The following SSU72 variants were observed in gnomAD, a reference collection of about 807,000 sequenced individuals.
The protein encoded by SSU72 is SSU72 homolog, RNA polymerase II CTD phosphatase.
A neutral mutation model predicts 22.7 loss-of-function variants in SSU72; 12 were observed. The ratio of observed to expected loss-of-function variants is 0.53; its 90% CI spans 0.34 to 0.86. The LOEUF (loss-of-function observed/expected upper bound fraction) is 0.86. Ranked by LOEUF, SSU72 falls within the 40% of genes least tolerant of loss-of-function variation. The probability of loss-of-function intolerance (pLI) is 0.02; values close to 1 mark genes in which losing one functional copy is unlikely to be tolerated. For synonymous variants in SSU72, 116 were observed against 98.3 expected, an observed-to-expected ratio of 1.18 and a Z score of -1.06; for missense variants, 151 against 249.8, an observed-to-expected ratio of 0.60 and a Z score of 2.67.
chr1:1,544,772 G>A (rs762022413), intron 3 of SSU72, 91 bp downstream of exon 3: 72 of 1,578,684 alleles, frequency 4.6e-5, no homozygotes, highest in Admixed American at 8.3e-5. Flanking sequence ...CACTCTAGAC[G>A]GGCTGTACTG....
intron 2 of SSU72, among the ~76,000 whole-genome samples, chr1:1,549,280 GCGAGGC>G (rs1642427636): frequency 6.6e-6 from 1 of 152,148 alleles, no homozygotes; most frequent in South Asian, 2.1e-4. Flanking sequence ...CCAGAACTTT[GCGAGGC>G]CGAGGCAGGT....
intron 3 of SSU72, among the ~76,000 whole-genome samples, 159 bp from the exon 4 acceptor site, chr1:1,544,146 C>T (rs991812006): frequency 1.3e-5 from 2 of 152,150 alleles, no homozygotes; most frequent in Admixed American, 1.3e-4. Context: ...AGCCTCAAAC[C>T]GAAGGCGGCT....
intron 2 of SSU72, chr1:1,545,457 A>T (rs951566049): frequency 6.2e-6 from 1 of 162,056 alleles, no homozygotes; most frequent in Non-Finnish European, 1.3e-5. Flanking sequence ...AAACCCGGAA[A>T]CCCAGTCCCC....
rs895495312 is a variant in SSU72 at position 1,565,025 on chromosome 1, T to A, written c.81-109A>T. 26 of 1,389,394 alleles carry A rather than the reference T, an allele frequency of 1.9e-5. No homozygotes were observed. The East Asian group carries it at 6.1e-4, about 32-fold the overall frequency. The allele number at this position is 1,389,394 out of a possible 1,614,324, so 86.1% of individuals were successfully genotyped here. A position where few individuals can be genotyped will look rare whatever the true frequency, so the allele number is the denominator to read the frequency against. On this transcript the variant is annotated intron_variant, in intron 1 of 4. Coordinates refer to ENST00000291386, the MANE Select transcript of SSU72 (RefSeq NM_014188.3). ...CAAAATGAGTAATTTCATTGGCTCA[T>A]AGTAGAGAATATGTCTTCAAATTTT... is the stretch of plus-strand genomic sequence containing the variant.
chr1:1,556,449 G>A (rs554121766), intron 2 of SSU72, among the ~76,000 whole-genome samples: 2 of 152,262 alleles, frequency 1.3e-5, no homozygotes, highest in South Asian at 4.1e-4. Context: ...GCTGAGGCAG[G>A]AGAATCGCTT....
intron 2 of SSU72, among the ~76,000 whole-genome samples, chr1:1,552,148 G>A (rs1299616110): frequency 6.6e-6 from 1 of 152,022 alleles, no homozygotes; most frequent in East Asian, 1.9e-4. Context: ...CCTCACGCTG[G>A]CCGCGTGGAC....
intron 1 of SSU72, among the ~76,000 whole-genome samples, chr1:1,573,932 A>G (rs1205096816): frequency 6.6e-6 from 1 of 152,022 alleles, no homozygotes; most frequent in African/African-American, 2.4e-5. Context: ...TTAGCAGGGA[A>G]TATAAACTAG....
chr1:1,552,267 C>G (rs1642463613), intron 2 of SSU72, among the ~76,000 whole-genome samples: 1 of 152,130 alleles, frequency 6.6e-6, no homozygotes, highest in Admixed American at 6.5e-5. Context: ...CTAGGCCGTC[C>G]CATTTTTCTC....
intron 1 of SSU72, among the ~76,000 whole-genome samples, chr1:1,565,329 C>T (rs1051903400): frequency 6.6e-6 from 1 of 152,218 alleles, no homozygotes; most frequent in Non-Finnish European, 1.5e-5. Flanking sequence ...GCAGAGATAG[C>T]ACCACTGCAC....
intron 1 of SSU72, among the ~76,000 whole-genome samples, chr1:1,565,789 T>C (rs1642654598): frequency 8.8e-6 from 1 of 113,488 alleles, no homozygotes; most frequent in South Asian, 3.4e-4. Context: ...CCTAATCAAC[T>C]GGAGAAAAGA....
intron 3 of SSU72, 67 bp from the exon 4 acceptor site, chr1:1,544,054 T>A: frequency 1.6e-6 from 2 of 1,252,386 alleles, no homozygotes; most frequent in Non-Finnish European, 2.3e-6. Flanking sequence ...TCAATGTGGC[T>A]GAGTCCCCAG....
At chr1:1,574,337 G>C (rs1192837869) in intron 1 of SSU72, 141 bp downstream of exon 1, 5 of 831,724 alleles carry the variant, frequency 6.0e-6, no homozygotes, top group Non-Finnish European at 7.4e-6. Context: ...CCGTCCAGCT[G>C]CCATCCCAAC....
rs1642788063 is a variant in SSU72, at chr1:1,574,635, G to T, written c.-78C>A. 2.2e-6 allele frequency: 3 copies of T among 1,388,408 alleles called. No homozygotes were observed. The highest frequency in any genetic ancestry group is 2.6e-5 in the Admixed American group (1 of 38,750). 86.0% of individuals were successfully genotyped at this position (1,388,408 alleles called of 1,614,324 possible). A position where few individuals can be genotyped will look rare whatever the true frequency, so the allele number is the denominator to read the frequency against. ...GGCGCTTCCGCGCGAACAAAATGGC[G>T]GCCGCGGTGGCCGGAAGCGGGCGAC... On this transcript the variant is annotated 5_prime_UTR_variant, in exon 1 of 5. Coordinates refer to ENST00000291386, the MANE Select transcript of SSU72 (RefSeq NM_014188.3).
rs935966174 is a variant in SSU72 at position 1,554,274 on chromosome 1, G to A, written c.225-9272C>T. Among the ~76,000 whole-genome samples, 10 of 151,970 alleles carry A rather than the reference G, an allele frequency of 6.6e-5. No homozygotes were observed. Among genetic ancestry groups the A allele is most frequent in the African/African-American group, 2.4e-4 (10 of 41,434 alleles). ...ACCCGGACCACTCGGGGGCCCCCAC[G>A]AAGCTGAGCACGAGACGGATCCGGA... On this transcript the variant is annotated intron_variant, in intron 2 of 4. Transcript: ENST00000291386. This position sits in a 1 kb window ranked among gnomAD's most constrained non-coding sequence, Gnocchi z 4.1.
At chr1:1,543,806 CG>C in intron 4 of SSU72, 62 bp downstream of exon 4, 1 of 1,345,850 alleles carries the variant, frequency 7.4e-7, no homozygotes, top group South Asian at 1.2e-5. Context: ...CCCTCTGTCA[CG>C]GCCTCGGTCA....
chr1:1,547,539 T>C (rs1642404843), intron 2 of SSU72, among the ~76,000 whole-genome samples: 1 of 152,152 alleles, frequency 6.6e-6, no homozygotes. Flanking sequence ...CCAGAGGCTG[T>C]GAGGACCTGA....
intron 2 of SSU72, among the ~76,000 whole-genome samples, chr1:1,558,299 C>A (rs564192484): frequency 6.2e-4 from 95 of 152,050 alleles, no homozygotes; most frequent in African/African-American, 2.1e-3. Context: ...GTCTGGGATG[C>A]CCAGGCTGCA....
rs1190708434 is a variant in SSU72, at chr1:1,542,118, T to C, written c.533A>G (p.Glu178Gly). ...GGTGCGGCCACTCTTCTCCTCGAAC[T>C]CCTGCAGCAGCTCGTCGATCTCGTT... The part of the protein sequence containing the change: ...MENEIDELLQ[E>G]FEEKSGRTFL... Residue 178 changes from glutamate to glycine, a missense_variant, in exon 5 of 5, where the codon GAG becomes GGG. Coordinates refer to ENST00000291386, the MANE Select transcript of SSU72 (RefSeq NM_014188.3). This position sits in a 1 kb window ranked among gnomAD's most constrained non-coding sequence, Gnocchi z 4.4. 6.3e-7 allele frequency: 1 copy of C among 1,596,484 alleles called. No individual in the cohort carries two copies. Among genetic ancestry groups the C allele is most frequent in the Non-Finnish European group, 8.5e-7 (1 of 1,171,850 alleles).
intron 1 of SSU72, among the ~76,000 whole-genome samples, chr1:1,573,280 A>G (rs1422756845): frequency 1.3e-5 from 2 of 148,610 alleles, no homozygotes; most frequent in Non-Finnish European, 3.0e-5. Context: ...AAAAAAAAAA[A>G]TTAGCCGTGC....
Sources: gnomAD v4.1 joint callset for allele counts (sites outside exome capture counted in the v4.1 genomes callset) on GRCh38, gnomAD v4.1.1 for gene constraint, Gnocchi (gnomAD v3.1) non-coding constraint, MANE v1.5 for transcripts, NCBI Gene and HGNC (gene_info 2026-07-23, HGNC 2026-07-21) for gene names.